SYNPR: variants seen among roughly 807,000 people sequenced by gnomAD.
SYNPR encodes synaptoporin.
A neutral mutation model predicts 32.9 loss-of-function variants in SYNPR; 23 were observed. The observed-to-expected ratio is 0.70, with a 90% CI of 0.50 to 0.99. The LOEUF (loss-of-function observed/expected upper bound fraction) is 0.99, where lower values mean the gene tolerates loss of function less well. Among genes scored for constraint, SYNPR ranks in the 50% least tolerant of loss-of-function variants. The pLI, the probability that SYNPR is intolerant of heterozygous loss-of-function variation, is 0.00. For missense variants in SYNPR, 318 were observed against 349.3 expected (o/e 0.91, Z 0.71); for synonymous variants, 146 against 135.9 (o/e 1.07, Z -0.52).
chr3:63,586,689 T>C (rs547476010), intron 4 of SYNPR, among the ~76,000 whole-genome samples: 7 of 148,966 alleles, frequency 4.7e-5, no homozygotes, highest in African/African-American at 1.7e-4. Flanking sequence ...TGTGTAAGTA[T>C]ATATATATAT....
chr3:63,452,939 T>C (rs1700405986), intron 2 of SYNPR, among the ~76,000 whole-genome samples: 1 of 152,132 alleles, frequency 6.6e-6, no homozygotes, highest in Non-Finnish European at 1.5e-5. Context: ...AAATGGAACT[T>C]TGTATGTACT....
chr3:63,579,811 A>T (rs1398740207), intron 4 of SYNPR, among the ~76,000 whole-genome samples: 1 of 151,636 alleles, frequency 6.6e-6, no homozygotes, highest in Non-Finnish European at 1.5e-5. Context: ...ACACACACAC[A>T]CACACACACA....
At chr3:63,253,588 A>T (rs1034155913) in intron 2 of SYNPR, among the ~76,000 whole-genome samples, 3 of 152,218 alleles carry the variant, frequency 2.0e-5, no homozygotes, top group Non-Finnish European at 4.4e-5. Flanking sequence ...ACTGGCCATC[A>T]GAGAAATGCA....
chr3:63,250,675 CTTAAAT>C (rs890900566), intron 1 of SYNPR, among the ~76,000 whole-genome samples: 6 of 152,096 alleles, frequency 3.9e-5, no homozygotes, highest in Admixed American at 6.6e-5. Flanking sequence ...ATGATTTTAG[CTTAAAT>C]TTAAAGATGA....
At chr3:63,267,737 C>T (rs2086502357) in intron 3 of SYNPR, among the ~76,000 whole-genome samples, 1 of 152,100 alleles carries the variant, frequency 6.6e-6, no homozygotes, top group Non-Finnish European at 1.5e-5. Flanking sequence ...ATCAGTTTTG[C>T]AATGTTGATT....
At chr3:63,574,947 C>T (rs11719997) in intron 4 of SYNPR, among the ~76,000 whole-genome samples, 63,684 of 151,774 alleles carry the variant, frequency 0.42, 13,808 homozygotes, top group African/African-American at 0.52. Context: ...AAAGTGTGGG[C>T]GAGCACTTTC....
intron 3 of SYNPR, among the ~76,000 whole-genome samples, chr3:63,529,918 G>T (rs576794922): frequency 6.6e-6 from 1 of 152,232 alleles, no homozygotes; most frequent in South Asian, 2.1e-4. Flanking sequence ...TAGTGGTAGG[G>T]ATGAGGGGAT....
intron 2 of SYNPR, among the ~76,000 whole-genome samples, chr3:63,363,775 A>G (rs13062956): frequency 0.45 from 68,064 of 152,004 alleles, 15,603 homozygotes; most frequent in Middle Eastern, 0.57. Context: ...CTAGATACTA[A>G]GAACACAACC....
intron 3 of SYNPR, among the ~76,000 whole-genome samples, chr3:63,516,359 T>C (rs1307189432): frequency 1.3e-5 from 2 of 152,156 alleles, no homozygotes; most frequent in African/African-American, 4.8e-5. Flanking sequence ...TTCTATAGAA[T>C]ACTCAGGAGC....
In SYNPR at chr3:63,268,552, A is replaced by G. The variant is rs746536463; in HGVS notation, n.287+1103A>G. Among the ~76,000 whole-genome samples, 90 of 152,226 alleles carry G rather than the reference A, an allele frequency of 5.9e-4. 1 individual carries two copies. Among genetic ancestry groups the G allele is most frequent in the Admixed American group, 2.0e-3 (30 of 15,274 alleles). On this transcript the variant is annotated intron_variant and non_coding_transcript_variant, in intron 3 of 4. Coordinates refer to the SYNPR transcript ENST00000478456. Reference sequence around the variant, plus strand: ...ATTCTTACAATGAAGTAAGCTAGAGAAAGGAAAATATTATTAAGAAAATCA... The same window carrying G: ...ATTCTTACAATGAAGTAAGCTAGAGGAAGGAAAATATTATTAAGAAAATCA...
At chr3:63,564,618 T>A (rs1702751504) in intron 4 of SYNPR, among the ~76,000 whole-genome samples, 1 of 152,162 alleles carries the variant, frequency 6.6e-6, no homozygotes, top group Non-Finnish European at 1.5e-5. Context: ...AAATTTTGCA[T>A]CAAGTACATT....
chr3:63,283,809 C>A (rs112998637), intron 2 of SYNPR, among the ~76,000 whole-genome samples: 33,994 of 129,220 alleles, frequency 0.26, 5,906 homozygotes, highest in Non-Finnish European at 0.36. Flanking sequence ...CAGATAATTA[C>A]CTTTTTTTTT....
At chr3:63,222,808 T>A in the SYNPR span, among the ~76,000 whole-genome samples, 1 of 152,188 alleles carries the variant, frequency 6.6e-6, no homozygotes, top group Non-Finnish European at 1.5e-5. Flanking sequence ...TGAGCCACCG[T>A]GCCCTGTCTG....
intron 3 of SYNPR, among the ~76,000 whole-genome samples, chr3:63,540,363 C>T (rs1702276592): frequency 6.6e-6 from 1 of 152,042 alleles, no homozygotes; most frequent in Non-Finnish European, 1.5e-5. Context: ...CGTGAGTAGT[C>T]TGAACATAGA....
Position 63,442,627 on chromosome 3 carries a change from G to A in SYNPR, c.85-38205G>A, listed in dbSNP as rs118030671. 1.4e-3 allele frequency among the ~76,000 whole-genome samples: 208 copies of A among 152,308 alleles called. 3 individuals are homozygous for A. The East Asian group carries it at 0.033, about 24-fold the overall frequency. On this transcript the variant is annotated intron_variant, in intron 2 of 5. Transcript: ENST00000478300. ...TATTTGAAGAAGAAAGCAGATCCAT[G>A]TCGCACTTAAGCCTCTGAAACCATT... is the stretch of plus-strand genomic sequence containing the variant.
intron 2 of SYNPR, among the ~76,000 whole-genome samples, chr3:63,334,306 G>A (rs1163890200): frequency 6.6e-6 from 1 of 152,202 alleles, no homozygotes; most frequent in East Asian, 1.9e-4. Flanking sequence ...AACCTTGGTG[G>A]CTTTGGCAAG....
At chr3:63,367,746 G>A (rs1045946143) in intron 2 of SYNPR, among the ~76,000 whole-genome samples, 4 of 152,166 alleles carry the variant, frequency 2.6e-5, no homozygotes, top group African/African-American at 4.8e-5. Flanking sequence ...GAGATGGTAA[G>A]TGACTTTCCT....
chr3:63,370,252 G>GT (rs1416193435), intron 2 of SYNPR, among the ~76,000 whole-genome samples: 1 of 152,072 alleles, frequency 6.6e-6, no homozygotes, highest in African/African-American at 2.4e-5. Flanking sequence ...TGTGGAAGAT[G>GT]TTTTTTTCCA....
intron 2 of SYNPR, among the ~76,000 whole-genome samples, chr3:63,346,390 GATT>G (rs1315107425): frequency 3.5e-4 from 54 of 152,170 alleles, no homozygotes; most frequent in African/African-American, 1.2e-3. Flanking sequence ...AATTTTTAAA[GATT>G]ATTTATAACT....
Sources: allele counts gnomAD v4.1 joint callset (sites outside exome capture counted in the v4.1 genomes callset), GRCh38; gene constraint gnomAD v4.1.1; transcripts MANE v1.5; gene names NCBI Gene and HGNC (gene_info 2026-07-23, HGNC 2026-07-21).